CMKLR2: variants seen among roughly 807,000 people sequenced by gnomAD.
The protein encoded by CMKLR2 is chemerin chemokine-like receptor 2.
CMKLR2 carries 18 observed loss-of-function variants against 23.0 expected under a neutral mutation model. That is an observed-to-expected ratio of 0.78 (90% CI 0.54 to 1.16). The LOEUF (loss-of-function observed/expected upper bound fraction) is 1.16. Among genes scored for constraint, CMKLR2 ranks in the 50% most tolerant of loss-of-function variants. The probability of loss-of-function intolerance (pLI) is 0.00; values close to 1 mark genes in which losing one functional copy is unlikely to be tolerated. For synonymous variants in CMKLR2, 158 were observed against 158.9 expected (o/e 0.99, Z 0.05); for missense variants, 401 against 412.7 (o/e 0.97, Z 0.25).
At chr2:206,208,666 G>A (rs1689428982) in intron 1 of CMKLR2, among the ~76,000 whole-genome samples, 1 of 150,512 alleles carries the variant, frequency 6.6e-6, no homozygotes, top group African/African-American at 2.4e-5. Flanking sequence ...TCCAGGCAGG[G>A]TCTCACTCTG....
Position 206,176,508 on chromosome 2 carries a change from G to A in CMKLR2, c.740C>T (p.Thr247Ile), listed in dbSNP as rs758637443. ...SILISSRHFW[T>I]ILVVVVAFVV... ...AAAGGCCACAACCACAACCAGAATT[G>A]TCCAGAAATGCCTACTGGAGATCAG... Residue 247 changes from threonine to isoleucine, a missense_variant, in exon 2 of 2, where the codon ACA (threonine) becomes ATA (isoleucine). By Grantham distance (89) the Thr-to-Ile change is moderately conservative. Transcript: ENST00000621141. 6.2e-7 allele frequency: 1 copy of A among 1,614,154 alleles called. No homozygotes were observed. The highest frequency in any genetic ancestry group is 8.5e-7 in the Non-Finnish European group (1 of 1,180,032).
At chr2:206,181,577 A>C (rs954158900) in intron 1 of CMKLR2, among the ~76,000 whole-genome samples, 2 of 152,356 alleles carry the variant, frequency 1.3e-5, no homozygotes, top group East Asian at 3.9e-4. Context: ...TAAAGTATCA[A>C]TTAACACATA....
intron 1 of CMKLR2, among the ~76,000 whole-genome samples, chr2:206,208,315 AG>A (rs1385002093): frequency 6.6e-6 from 1 of 152,058 alleles, no homozygotes. Context: ...CAGAGATGGG[AG>A]GATTGCTTGA....
At chr2:206,190,905 C>T (rs892750047) in intron 1 of CMKLR2, among the ~76,000 whole-genome samples, 3 of 152,168 alleles carry the variant, frequency 2.0e-5, no homozygotes, top group African/African-American at 7.2e-5. Flanking sequence ...TCAACGCCTA[C>T]TTATGTACCT....
rs560668610 is a variant in CMKLR2, at chr2:206,180,178, A to G, written c.-28-2903T>C. Among the ~76,000 whole-genome samples, 23 of 152,250 alleles carry G rather than the reference A, an allele frequency of 1.5e-4. 1 individual carries two copies. The South Asian group carries it at 4.3e-3, about 29-fold the overall frequency. On this transcript the variant is annotated intron_variant, in intron 1 of 1. Transcript: ENST00000621141. ...TAGTCAATGTTATTGAGAATTTACTAGATGCCAGACATGTATGATCTAATT... is the reference window on the plus strand; with the variant it reads ...TAGTCAATGTTATTGAGAATTTACTGGATGCCAGACATGTATGATCTAATT...
chr2:206,178,234 C>T (rs1438244804), intron 1 of CMKLR2, among the ~76,000 whole-genome samples: 2 of 152,134 alleles, frequency 1.3e-5, no homozygotes, highest in African/African-American at 2.4e-5. Flanking sequence ...CACTGCACTC[C>T]AGCCTGGGCA....
intron 1 of CMKLR2, among the ~76,000 whole-genome samples, chr2:206,189,966 G>C (rs1320389880): frequency 6.6e-6 from 1 of 152,080 alleles, no homozygotes; most frequent in African/African-American, 2.4e-5. Context: ...AGGCGTTGAG[G>C]CACAGCAACA....
intron 1 of CMKLR2, among the ~76,000 whole-genome samples, chr2:206,191,670 T>C (rs988578294): frequency 4.0e-5 from 4 of 99,410 alleles, no homozygotes; most frequent in African/African-American, 1.7e-4. Flanking sequence ...CTTCTCTTTC[T>C]TTTTTTTTTT....
Position 206,179,054 on chromosome 2 carries a change from CCTTTTTT to C in CMKLR2, c.-28-1786_-28-1780del, listed in dbSNP as rs1281265866. 8.3e-3 allele frequency among the ~76,000 whole-genome samples: 1,029 copies of C among 123,658 alleles called. 26 individuals carry two copies. Among genetic ancestry groups the C allele is most frequent in the African/African-American group, 0.028 (979 of 34,716 alleles). The allele number at this position is 123,658 out of a possible 152,430, so 81.1% of individuals were successfully genotyped here. A position where few individuals can be genotyped will look rare whatever the true frequency, so the allele number is the denominator to read the frequency against. On this transcript the variant is annotated intron_variant, in intron 1 of 1. Coordinates refer to ENST00000621141, the MANE Select transcript of CMKLR2 (RefSeq NM_001389445.1). ...TTTTATTTTGTGCCCGCTCCCTGTC[CCTTTTTT>C]TTTTTTTTTTTTTTTTTTTTTTTTT...
At chr2:206,186,568 G>C (rs1289535803) in intron 1 of CMKLR2, among the ~76,000 whole-genome samples, 1 of 152,248 alleles carries the variant, frequency 6.6e-6, no homozygotes, top group East Asian at 1.9e-4. Flanking sequence ...TCTCACAATG[G>C]TTATGGCTTC....
At chr2:206,197,146 G>A (rs1050716805) in intron 1 of CMKLR2, among the ~76,000 whole-genome samples, 4 of 152,158 alleles carry the variant, frequency 2.6e-5, no homozygotes, top group African/African-American at 9.7e-5. Flanking sequence ...TTGACCTCGT[G>A]ATCTGCCTGC....
chr2:206,178,638 AT>A (rs543425735), intron 1 of CMKLR2, among the ~76,000 whole-genome samples: 137 of 151,860 alleles, frequency 9.0e-4, no homozygotes, highest in African/African-American at 3.1e-3. Context: ...ACAGCCTTCT[AT>A]TTTTGTTTTG....
chr2:206,194,569 T>C (rs1395308953), intron 1 of CMKLR2, among the ~76,000 whole-genome samples: 2 of 148,306 alleles, frequency 1.3e-5, no homozygotes, highest in Non-Finnish European at 3.0e-5. Context: ...GCAGTTCTCA[T>C]GCCTCAGTCT....
At chr2:206,199,805 A>G (rs1376906689) in intron 1 of CMKLR2, among the ~76,000 whole-genome samples, 1 of 151,940 alleles carries the variant, frequency 6.6e-6, no homozygotes, top group Non-Finnish European at 1.5e-5. Flanking sequence ...CATGTTGGCC[A>G]GGCTGGTCTC....
intron 1 of CMKLR2, among the ~76,000 whole-genome samples, chr2:206,178,350 A>G (rs1688297374): frequency 6.6e-6 from 1 of 152,176 alleles, no homozygotes; most frequent in African/African-American, 2.4e-5. Flanking sequence ...TATTTCCTAG[A>G]CCAATCCATC....
At chr2:206,196,970 G>T (rs564350996) in intron 1 of CMKLR2, among the ~76,000 whole-genome samples, 1 of 152,100 alleles carries the variant, frequency 6.6e-6, no homozygotes, top group Non-Finnish European at 1.5e-5. Context: ...GTGCAGTGGC[G>T]TGATCTCGGC....
chr2:206,186,571 A>C (rs1048375809), intron 1 of CMKLR2, among the ~76,000 whole-genome samples: 1 of 152,144 alleles, frequency 6.6e-6, no homozygotes, highest in African/African-American at 2.4e-5. Context: ...CACAATGGTT[A>C]TGGCTTCAGA....
chr2:206,199,973 A>G (rs767024777), intron 1 of CMKLR2, among the ~76,000 whole-genome samples: 2 of 152,142 alleles, frequency 1.3e-5, no homozygotes, highest in Non-Finnish European at 2.9e-5. Context: ...ACATATTGTA[A>G]ATTGCTTCTG....
intron 1 of CMKLR2, among the ~76,000 whole-genome samples, chr2:206,212,148 T>C (rs2105845960): frequency 6.6e-6 from 1 of 152,332 alleles, no homozygotes; most frequent in South Asian, 2.1e-4. Context: ...ATTTTTTACA[T>C]GATTATCATT....
Sources: gnomAD v4.1 joint callset for allele counts (sites outside exome capture counted in the v4.1 genomes callset) on GRCh38, gnomAD v4.1.1 for gene constraint, MANE v1.5 for transcripts, NCBI Gene and HGNC (gene_info 2026-07-23, HGNC 2026-07-21) for gene names.